Variants in LTBP1 observed in about 807,000 individuals in gnomAD.
LTBP1 encodes the protein latent-transforming growth factor beta-binding protein 1.
In LTBP1, 129 loss-of-function variants were observed where a neutral mutation model predicts 207.6. That is an observed-to-expected ratio of 0.62 (90% confidence interval 0.54 to 0.72). The LOEUF is 0.72. LTBP1 is among the 30% of genes least tolerant of loss of function. LTBP1 has a pLI of 0.00. For missense variants in LTBP1, 2,281 were observed against 2,217.2 expected, an observed-to-expected ratio of 1.03 and a Z score of -0.58; for synonymous variants, 963 against 833.7, an observed-to-expected ratio of 1.16 and a Z score of -2.67.
Position 33,261,344 on chromosome 2 carries a change from G to A in LTBP1, c.2419-1378G>A, listed in dbSNP as rs182912001. On this transcript the variant is annotated intron_variant, in intron 13 of 33. Transcript: ENST00000404816. ...CAGGGAATGGGGTGCAATTGAGACTGGTTGAGGTCATCTCTAGTAAGTAAT... is the reference window on the plus strand; with the variant it reads ...CAGGGAATGGGGTGCAATTGAGACTAGTTGAGGTCATCTCTAGTAAGTAAT... 3.7e-4 allele frequency among the ~76,000 whole-genome samples: 56 copies of A among 152,312 alleles called. 1 individual carries two copies. In the East Asian group the frequency reaches 0.01, roughly 27 times the overall value.
chr2:33,328,171 T>TAAATAAATAAAAA (rs1559019584), intron 24 of LTBP1, among the ~76,000 whole-genome samples: 2 of 73,322 alleles, frequency 2.7e-5, no homozygotes, highest in South Asian at 4.3e-4. Flanking sequence ...ATAAATAAAA[T>TAAATAAATAAAAA]AAAAATAAAA....
intron 24 of LTBP1, among the ~76,000 whole-genome samples, chr2:33,340,665 T>TGAGGAG (rs997299483): frequency 1.3e-5 from 2 of 151,618 alleles, no homozygotes; most frequent in African/African-American, 2.4e-5. Flanking sequence ...TCTAGGTCAT[T>TGAGGAG]GAGGAGGAGG....
chr2:32,951,457 A>T (rs764155264), intron 2 of LTBP1, among the ~76,000 whole-genome samples: 30 of 152,340 alleles, frequency 2.0e-4, no homozygotes, highest in Middle Eastern at 3.4e-3. Context: ...GGGAGCTGAG[A>T]GAGCCTTCTA....
At position 32,983,076 on chromosome 2, in the gene LTBP1, A is replaced by G. The variant is rs114754538; in HGVS notation, c.565+34131A>G. Among the ~76,000 whole-genome samples the G allele has an allele frequency of 7.7e-3, 1,172 of 152,306 alleles. 13 individuals carry two copies. The highest frequency in any genetic ancestry group is 0.026 in the African/African-American group (1,075 of 41,568). ...GCAGACACTCAATGTCAGCTCATGA[A>G]AGCAGCCAGGAGTGGTGCTCTATCC... On this transcript the variant is annotated intron_variant, in intron 2 of 33. Transcript: ENST00000404816.
intron 3 of LTBP1, among the ~76,000 whole-genome samples, chr2:33,027,870 T>C (rs545759891): frequency 6.6e-6 from 1 of 152,112 alleles, no homozygotes. Flanking sequence ...AATAAGACCT[T>C]TTTGAAATAA....
intron 2 of LTBP1, among the ~76,000 whole-genome samples, chr2:32,953,723 A>G (rs1355137663): frequency 6.6e-6 from 1 of 152,272 alleles, no homozygotes; most frequent in East Asian, 1.9e-4. Flanking sequence ...CTGGGCCCTT[A>G]GGAAGCCTGA....
At chr2:33,203,097 T>C (rs942552668) in intron 7 of LTBP1, among the ~76,000 whole-genome samples, 6 of 152,132 alleles carry the variant, frequency 3.9e-5, no homozygotes, top group Non-Finnish European at 8.8e-5. Flanking sequence ...AAATGGCTGC[T>C]CTCTGTAGCC....
At chr2:33,258,224 C>G (rs990973366) in intron 12 of LTBP1, among the ~76,000 whole-genome samples, 2 of 152,226 alleles carry the variant, frequency 1.3e-5, no homozygotes, top group African/African-American at 2.4e-5. Context: ...CCAGCAATAT[C>G]TAATACTTCA....
chr2:33,347,626 C>G, intron 26 of LTBP1, 116 bp downstream of exon 26: 1 of 1,227,812 alleles, frequency 8.1e-7, no homozygotes, highest in Non-Finnish European at 1.2e-6. Context: ...TGTCCTGACA[C>G]AGTGCTGTCT....
At chr2:33,349,236 G>A (rs183704056) in intron 26 of LTBP1, among the ~76,000 whole-genome samples, 46 of 152,286 alleles carry the variant, frequency 3.0e-4, no homozygotes, top group Admixed American at 1.9e-3. Flanking sequence ...AGATCACTGA[G>A]GCCAGGAGTT....
At chr2:33,060,908 A>G (rs982743181) in intron 3 of LTBP1, among the ~76,000 whole-genome samples, 2 of 151,790 alleles carry the variant, frequency 1.3e-5, no homozygotes, top group African/African-American at 2.4e-5. Flanking sequence ...TTTTTTTCTG[A>G]AATAGCTCTT....
intron 24 of LTBP1, among the ~76,000 whole-genome samples, chr2:33,335,353 C>T (rs1328578397): frequency 6.6e-6 from 1 of 152,098 alleles, no homozygotes; most frequent in Non-Finnish European, 1.5e-5. Flanking sequence ...CTGCCCTTCT[C>T]TGTCAAGGGA....
In LTBP1 at chr2:33,389,226, G is replaced by A. The variant is rs749732813; in HGVS notation, c.4754G>A (p.Arg1585Gln). 1.1e-5 allele frequency: 18 copies of A among 1,614,074 alleles called. No individual in the cohort carries two copies. Among genetic ancestry groups the A allele is most frequent in the East Asian group, 2.2e-5 (1 of 44,880 alleles). ...TGTAACATCCCCGTGACGGGACGCC[G>A]GCAGCCATATGGACGGGACGCCTTG... ...QLCNIPVTGR[R>Q]QPYGRDALVD... The change falls in exon 32 of 34, where the codon CGG becomes CAG. Residue 1585 changes from arginine (R) to glutamine (Q), a missense_variant. Arg to Gln is a conservative substitution (Grantham distance 43). Around this residue, in one of 3 missense-constraint regions of LTBP1, gnomAD observed 1,671 missense variants for 1,634.8 expected, o/e 1.02. Coordinates refer to ENST00000404816, the MANE Select transcript of LTBP1 (RefSeq NM_206943.4).
intron 3 of LTBP1, among the ~76,000 whole-genome samples, chr2:33,063,896 C>A (rs1266329027): frequency 6.7e-6 from 1 of 149,604 alleles, no homozygotes; most frequent in Non-Finnish European, 1.5e-5. Context: ...CTCTGTCGCT[C>A]AGGCTAGAGT....
At chr2:33,057,922 G>A (rs746814238) in intron 3 of LTBP1, among the ~76,000 whole-genome samples, 3 of 152,264 alleles carry the variant, frequency 2.0e-5, no homozygotes, top group African/African-American at 4.8e-5. Context: ...GCCAGAATGG[G>A]CGCCAAGGCC....
chr2:33,174,607 A>G (rs1213074056), intron 5 of LTBP1, among the ~76,000 whole-genome samples: 1 of 152,328 alleles, frequency 6.6e-6, no homozygotes, highest in South Asian at 2.1e-4. Flanking sequence ...ATTCAATGCC[A>G]TCCCCATCAA....
intron 3 of LTBP1, among the ~76,000 whole-genome samples, chr2:33,049,932 C>T (rs922261866): frequency 6.6e-6 from 1 of 151,516 alleles, no homozygotes; most frequent in Non-Finnish European, 1.5e-5. Flanking sequence ...GCCTGGGACT[C>T]CTGGGCTCAA....
intron 31 of LTBP1, among the ~76,000 whole-genome samples, chr2:33,374,853 G>A (rs2095117113): frequency 6.6e-6 from 1 of 152,148 alleles, no homozygotes; most frequent in Admixed American, 6.5e-5. Context: ...TCTGGAGGCT[G>A]AGGCAGAAGA....
chr2:33,196,577 A>G (rs1382119080), intron 7 of LTBP1, among the ~76,000 whole-genome samples: 1 of 152,196 alleles, frequency 6.6e-6, no homozygotes, highest in Non-Finnish European at 1.5e-5. Context: ...GGAATCAAGC[A>G]TCAGGATTGC....
Sources: allele counts gnomAD v4.1 joint callset (sites outside exome capture counted in the v4.1 genomes callset), GRCh38; gene constraint gnomAD v4.1.1; regional missense constraint gnomAD v4.1.1; transcripts MANE v1.5; gene names NCBI Gene and HGNC (gene_info 2026-07-23, HGNC 2026-07-21).